The following PREPL variants were observed in gnomAD, a reference collection of about 807,000 sequenced individuals.
The protein encoded by PREPL is prolyl endopeptidase like, also known as prolyl endopeptidase-like.
A neutral mutation model predicts 70.6 loss-of-function variants in PREPL; 77 were observed. That is an observed-to-expected ratio of 1.09 (90% CI 0.91 to 1.32). The LOEUF (loss-of-function observed/expected upper bound fraction) is 1.32, where lower values mean the gene tolerates loss of function less well. PREPL is among the 40% of genes most tolerant of loss of function. PREPL has a pLI of 0.00. For missense variants in PREPL, 1,002 were observed against 778.2 expected, an observed-to-expected ratio of 1.29 and a Z score of -3.42; for synonymous variants, 315 against 264.8, an observed-to-expected ratio of 1.19 and a Z score of -1.84.
chr2:44,321,628 C>T, intron 13 of PREPL, 183 bp from the exon 14 acceptor site: 1 of 1,485,928 alleles, frequency 6.7e-7, no homozygotes, highest in South Asian at 1.4e-5. Flanking sequence ...TTTTCTTTAA[C>T]AGAGCTCACG....
At position 44,329,004 on chromosome 2, in the gene PREPL, T is replaced by C. The variant is rs752381495; in HGVS notation, c.1195A>G (p.Met399Val). 5.0e-6 allele frequency: 8 copies of C among 1,614,118 alleles called. No homozygotes were observed. The South Asian group carries it at 8.8e-5, about 18-fold the overall frequency. Residue 399 changes from methionine to valine, a missense_variant, in exon 9 of 14, where the codon ATG becomes GTG. By Grantham distance (21) the Met-to-Val change is conservative. Coordinates refer to ENST00000409411, the MANE Select transcript of PREPL (RefSeq NM_001171613.2). Reference protein sequence around the residue: ...VYGAYGMDLKMNFRPERRVLV... With the variant: ...VYGAYGMDLKVNFRPERRVLV... ...ACCCGCCTCTCAGGCCTGAAATTCA[T>C]TTTCAAATCCATTCCATAAGCTCCA... is the stretch of plus-strand genomic sequence containing the variant.
intron 9 of PREPL, among the ~76,000 whole-genome samples, chr2:44,327,289 G>C (rs966346994): frequency 8.5e-5 from 13 of 152,158 alleles, no homozygotes; most frequent in African/African-American, 3.1e-4. Context: ...CAGTAATTTT[G>C]TGGGGTAAGA....
chr2:44,344,263 G>A (rs1675538634), intron 3 of PREPL, among the ~76,000 whole-genome samples: 1 of 151,994 alleles, frequency 6.6e-6, no homozygotes. Flanking sequence ...AACAATATAT[G>A]CCAAGTGCCT....
Position 44,321,286 on chromosome 2 carries a change from G to A in PREPL, c.*70C>T. The stretch of plus-strand genomic sequence containing the variant: ...GTCTCAAGTTATTAATTTTTTTTTT[G>A]CTAACTCAATTGGAAGTAAGACTAT... On this transcript the variant is annotated 3_prime_UTR_variant, in exon 14 of 14. Transcript: ENST00000409411. The A allele has an allele frequency of 8.3e-7, 1 of 1,209,182 alleles. No individual in the cohort carries two copies. The highest frequency in any genetic ancestry group is 1.4e-5 in the South Asian group (1 of 70,240). The allele number at this position is 1,209,182 out of a possible 1,614,324, so 74.9% of individuals were successfully genotyped here.
upstream of PREPL, chr2:44,361,833 G>C (rs1238943188): frequency 8.0e-7 from 1 of 1,245,018 alleles, no homozygotes; most frequent in Non-Finnish European, 1.0e-6. Context: ...GCTCGGCCCT[G>C]GTTGCCAAGG....
intron 3 of PREPL, 100 bp downstream of exon 3, chr2:44,344,420 T>A: frequency 4.2e-6 from 4 of 945,362 alleles, no homozygotes; most frequent in Non-Finnish European, 3.1e-6. Flanking sequence ...AAATAATCTT[T>A]AAAAAAATCT....
intron 1 of PREPL, among the ~76,000 whole-genome samples, chr2:44,357,648 G>C (rs1677191755): frequency 6.6e-6 from 1 of 152,202 alleles, no homozygotes; most frequent in Admixed American, 6.5e-5. Context: ...GGAAGAAATA[G>C]TCAACCTTCT....
chr2:44,334,410 T>A (rs1674428503), intron 7 of PREPL, among the ~76,000 whole-genome samples: 1 of 152,032 alleles, frequency 6.6e-6, no homozygotes, highest in Non-Finnish European at 1.5e-5. Context: ...GCAAAAAACG[T>A]CCCAACTGGC....
Position 44,332,440 on chromosome 2 carries a change from T to G in PREPL, c.1086+19A>C. 2 of 1,591,022 alleles carry G rather than the reference T, an allele frequency of 1.3e-6. No homozygotes were observed. Among genetic ancestry groups the G allele is most frequent in the Non-Finnish European group, 1.7e-6 (2 of 1,160,314 alleles). Reference sequence around the variant, plus strand: ...GCTTTCAGTAAATGGGAGCTGAAAGTGAAGATTATAAGACCTACCTTGCTT... The same window carrying G: ...GCTTTCAGTAAATGGGAGCTGAAAGGGAAGATTATAAGACCTACCTTGCTT... On this transcript the variant is annotated intron_variant, in intron 8 of 13. Transcript: ENST00000409411.
chr2:44,351,487 A>G (rs535670526), intron 1 of PREPL, among the ~76,000 whole-genome samples: 2 of 150,300 alleles, frequency 1.3e-5, no homozygotes, highest in East Asian at 3.9e-4. Flanking sequence ...CTGAACTTTA[A>G]ATCTCCCCAT....
rs1672602438 is a variant in PREPL at position 44,318,243 on chromosome 2, A to G, written c.*3113T>C. ...GTAGCTGGGATTACAGGTGCACGTC[A>G]TTATGCCCGGGTAATTTCTGTATTT... On this transcript the variant is annotated 3_prime_UTR_variant, in exon 14 of 14. Transcript: ENST00000409411. 2 of 328,162 alleles carry G rather than the reference A, an allele frequency of 6.1e-6. No homozygotes were observed. The highest frequency in any genetic ancestry group is 1.2e-5 in the Non-Finnish European group (2 of 165,584). 20.3% of individuals were successfully genotyped at this position (328,162 alleles called of 1,614,324 possible). A position where few individuals can be genotyped will look rare whatever the true frequency, so the allele number is the denominator to read the frequency against.
In PREPL at chr2:44,342,554, T is replaced by A; in HGVS notation, c.350-2A>T. 1 of 1,521,708 alleles carries A rather than the reference T, an allele frequency of 6.6e-7. No homozygotes were observed. Among genetic ancestry groups the A allele is most frequent in the Non-Finnish European group, 8.9e-7 (1 of 1,129,780 alleles). 94.3% of individuals were successfully genotyped at this position (1,521,708 alleles called of 1,614,324 possible). ...CATCTTCCTCGTCCTTTACCCATTCTGAAAGAAAATAATGAGATAATTATA... is the reference window on the plus strand; with the variant it reads ...CATCTTCCTCGTCCTTTACCCATTCAGAAAGAAAATAATGAGATAATTATA... On this transcript the variant is annotated splice_acceptor_variant, in intron 4 of 13. Transcript: ENST00000409411. LOFTEE classifies it high-confidence loss of function.
chr2:44,331,376 G>A (rs1274032122), intron 8 of PREPL, among the ~76,000 whole-genome samples: 3 of 151,768 alleles, frequency 2.0e-5, no homozygotes, highest in South Asian at 2.1e-4. Flanking sequence ...CACCACACCC[G>A]GCTAATTTTT....
chr2:44,361,817 G>T (rs759421913), upstream of PREPL: 1 of 1,127,136 alleles, frequency 8.9e-7, no homozygotes. Flanking sequence ...GTGCAATGGC[G>T]TGACAGCTCG....
chr2:44,357,724 CTAAG>C (rs1325526590), intron 1 of PREPL, among the ~76,000 whole-genome samples: 2 of 152,128 alleles, frequency 1.3e-5, no homozygotes, highest in South Asian at 2.1e-4. Context: ...TATTTATAAA[CTAAG>C]TGTTAAGACA....
In PREPL at chr2:44,328,438, C is replaced by CAAAAAAAAAAAAAAAAAAAAA. The variant is rs1194898905; in HGVS notation, c.1262+478_1262+498dup. Reference sequence around the variant, plus strand: ...GGCGACAAAGCAAAACTGTCTCAAACAAAAAAAAAAAAAAAAAAAAAAAAA... The same window carrying CAAAAAAAAAAAAAAAAAAAAA: ...GGCGACAAAGCAAAACTGTCTCAAACAAAAAAAAAAAAAAAAAAAAAAAAAAAAAAAAAAAAAAAAAAAAAA... On this transcript the variant is annotated intron_variant, in intron 9 of 13. Coordinates refer to ENST00000409411, the MANE Select transcript of PREPL (RefSeq NM_001171613.2). Among the ~76,000 whole-genome samples the CAAAAAAAAAAAAAAAAAAAAA allele has an allele frequency of 3.3e-5, 2 of 61,190 alleles. 1 individual carries two copies. The highest frequency in any genetic ancestry group is 5.6e-5 in the Non-Finnish European group (2 of 35,506). The allele number at this position is 61,190 out of a possible 152,430, so 40.1% of individuals were successfully genotyped here.
At chr2:44,324,599 C>T (rs1048885991) in intron 10 of PREPL, among the ~76,000 whole-genome samples, 2 of 152,126 alleles carry the variant, frequency 1.3e-5, no homozygotes, top group East Asian at 1.9e-4. Context: ...AAGGCTGGGT[C>T]GCACATGGTG....
At position 44,328,977 on chromosome 2, in the gene PREPL, G is replaced by A. The variant is rs1673814951; in HGVS notation, c.1222C>T (p.Leu408=). Residue 408 remains leucine, a synonymous_variant, in exon 9 of 14, where the codon CTG becomes TTG. Coordinates refer to ENST00000409411, the MANE Select transcript of PREPL (RefSeq NM_001171613.2). ...GCTAATATCCATCCATCATCCACCAGGACCCGCCTCTCAGGCCTGAAATTC... is the reference window on the plus strand; with the variant it reads ...GCTAATATCCATCCATCATCCACCAAGACCCGCCTCTCAGGCCTGAAATTC... ...KMNFRPERRV[L]VDDGWILAYC... 6.2e-7 allele frequency: 1 copy of A among 1,613,972 alleles called. No homozygotes were observed. Among genetic ancestry groups the A allele is most frequent in the Non-Finnish European group, 8.5e-7 (1 of 1,179,968 alleles).
Position 44,332,440 on chromosome 2 carries a change from T to A in PREPL, c.1086+19A>T. ...GCTTTCAGTAAATGGGAGCTGAAAG[T>A]GAAGATTATAAGACCTACCTTGCTT... On this transcript the variant is annotated intron_variant, in intron 8 of 13. Transcript: ENST00000409411. 6.3e-7 allele frequency: 1 copy of A among 1,591,022 alleles called. No homozygotes were observed. Among genetic ancestry groups the A allele is most frequent in the Non-Finnish European group, 8.6e-7 (1 of 1,160,314 alleles).
Sources: gnomAD v4.1 joint callset for allele counts (sites outside exome capture counted in the v4.1 genomes callset) on GRCh38, gnomAD v4.1.1 for gene constraint, MANE v1.5 for transcripts, NCBI Gene and HGNC (gene_info 2026-07-23, HGNC 2026-07-21) for gene names.